SH3KBP1: variants seen among roughly 807,000 people sequenced by gnomAD.
The protein encoded by SH3KBP1 is SH3 domain-containing kinase-binding protein 1.
Under a neutral mutation model 50.1 loss-of-function variants are expected in SH3KBP1, and 8 were observed. The ratio of observed to expected loss-of-function variants is 0.16; its 90% CI spans 0.09 to 0.29. The LOEUF (loss-of-function observed/expected upper bound fraction) is 0.29. Ranked by LOEUF, SH3KBP1 falls within the 10% of genes least tolerant of loss-of-function variation. SH3KBP1 has a pLI of 1.00. For missense variants in SH3KBP1, 377 were observed against 535.2 expected, an observed-to-expected ratio of 0.70 and a Z score of 2.92; for synonymous variants, 227 against 218.6, an observed-to-expected ratio of 1.04 and a Z score of -0.34.
chrX:19,659,794 G>A (rs752521599), intron 6 of SH3KBP1, among the ~76,000 whole-genome samples: 3 of 112,229 alleles, frequency 2.7e-5, no homozygotes, highest in Non-Finnish European at 5.6e-5. Context: ...CCTCCCCCAT[G>A]TTCCTACTGA....
chrX:19,879,745 T>C (rs187347710), intron 1 of SH3KBP1, among the ~76,000 whole-genome samples: 9 of 112,620 alleles, frequency 8.0e-5, no homozygotes, highest in Non-Finnish European at 1.5e-4. Context: ...TCTAGTGACT[T>C]GTAGGTTCGT....
intron 6 of SH3KBP1, among the ~76,000 whole-genome samples, chrX:19,673,212 G>C (rs1191127695): frequency 9.0e-6 from 1 of 111,150 alleles, no homozygotes; most frequent in Admixed American, 9.6e-5. Flanking sequence ...AAAATTAAAA[G>C]TTGATTAAAA....
chrX:19,642,322 AATG>A (rs1334449861), intron 7 of SH3KBP1, among the ~76,000 whole-genome samples: 4 of 112,033 alleles, frequency 3.6e-5, no homozygotes, highest in Non-Finnish European at 5.6e-5. Flanking sequence ...CCAATGATCT[AATG>A]ATAGCAACAA....
intron 2 of SH3KBP1, among the ~76,000 whole-genome samples, chrX:19,792,564 T>C (rs1175317212): frequency 1.3e-4 from 14 of 111,005 alleles, no homozygotes; most frequent in Non-Finnish European, 1.1e-4. Context: ...TTTGCCCCTT[T>C]GCAGGTCTTT....
In SH3KBP1 at chrX:19,681,026, G is replaced by A. The variant is rs973154224; in HGVS notation, c.726+2797C>T. 3.6e-5 allele frequency among the ~76,000 whole-genome samples: 4 copies of A among 111,415 alleles called. No homozygotes were observed. The South Asian group carries it at 1.1e-3, about 31-fold the overall frequency. On this transcript the variant is annotated intron_variant, in intron 6 of 17. Transcript: ENST00000397821. ...AATGCTTGGGACCAGAAGTGTTTTG[G>A]ATTTCAGATTTTTTTTTTTCTTTTT...
At chrX:19,805,746 C>A (rs946308864) in intron 2 of SH3KBP1, among the ~76,000 whole-genome samples, 3 of 110,891 alleles carry the variant, frequency 2.7e-5, no homozygotes, top group African/African-American at 9.9e-5. Flanking sequence ...CACCAGCCCA[C>A]GTCGAGACCT....
intron 6 of SH3KBP1, among the ~76,000 whole-genome samples, chrX:19,681,101 A>G (rs745890447): frequency 8.9e-5 from 10 of 111,897 alleles, no homozygotes; most frequent in Non-Finnish European, 1.5e-4. Flanking sequence ...TCCCTAATCC[A>G]AAAATCCGAA....
intron 2 of SH3KBP1, among the ~76,000 whole-genome samples, chrX:19,820,096 A>AAAT (rs2067482602): frequency 9.0e-6 from 1 of 111,679 alleles, no homozygotes; most frequent in African/African-American, 3.3e-5. Flanking sequence ...CAATTCCCTT[A>AAAT]AATATATTGA....
At chrX:19,721,631 G>C (rs1347701647) in intron 3 of SH3KBP1, among the ~76,000 whole-genome samples, 2 of 110,963 alleles carry the variant, frequency 1.8e-5, no homozygotes, top group African/African-American at 6.6e-5. Context: ...GGGTCCACAG[G>C]CTTCACCAGA....
In SH3KBP1 at chrX:19,879,178, G is replaced by A. The variant is rs1240151422; in HGVS notation, c.4+8129C>T. ...GAGGATCGCTTGAGCCTGGGAGGTC[G>A]AGGCTGCAGTGAGCCTTGATTGCGC... is the stretch of plus-strand genomic sequence containing the variant. On this transcript the variant is annotated intron_variant, in intron 1 of 17. Coordinates refer to ENST00000397821, the MANE Select transcript of SH3KBP1 (RefSeq NM_031892.3). 3.6e-5 allele frequency among the ~76,000 whole-genome samples: 4 copies of A among 112,573 alleles called. No homozygotes were observed. The South Asian group carries it at 1.5e-3, about 41-fold the overall frequency.
intron 8 of SH3KBP1, among the ~76,000 whole-genome samples, chrX:19,615,282 C>G (rs986074204): frequency 8.9e-6 from 1 of 112,307 alleles, no homozygotes; most frequent in African/African-American, 3.2e-5. Context: ...TTGATGCAAA[C>G]GAAAAAGAAA....
At chrX:19,772,589 G>T (rs1031239069) in intron 2 of SH3KBP1, among the ~76,000 whole-genome samples, 5 of 111,450 alleles carry the variant, frequency 4.5e-5, no homozygotes, top group African/African-American at 1.6e-4. Flanking sequence ...CATTGAACAT[G>T]AAAATTAACT....
intron 4 of SH3KBP1, among the ~76,000 whole-genome samples, chrX:19,699,211 A>G (rs775029663): frequency 8.9e-6 from 1 of 112,485 alleles, no homozygotes; most frequent in African/African-American, 3.2e-5. Context: ...AGAGGCAGTT[A>G]CAGAGCCTGA....
chrX:19,887,368 G>A lies in SH3KBP1; in HGVS notation c.-58C>T. 1.1e-6 allele frequency: 1 copy of A among 925,378 alleles called. No homozygotes were observed. Among genetic ancestry groups the A allele is most frequent in the Non-Finnish European group, 1.4e-6 (1 of 740,437 alleles). The allele number at this position is 925,378 out of a possible 1,213,427, so 76.3% of individuals were successfully genotyped here. ...CGTGAAAGTTGGCGGAGGCGGGCGTGGGGGTTGGGGCGCCGGGATCGGGGC... is the reference window on the plus strand; with the variant it reads ...CGTGAAAGTTGGCGGAGGCGGGCGTAGGGGTTGGGGCGCCGGGATCGGGGC... On this transcript the variant is annotated 5_prime_UTR_variant, in exon 1 of 18. Transcript: ENST00000397821.
chrX:19,722,561 TGCGCACTG>T (rs1194471042), intron 3 of SH3KBP1, among the ~76,000 whole-genome samples: 48 of 94,411 alleles, frequency 5.1e-4, no homozygotes, highest in African/African-American at 1.8e-3. Flanking sequence ...TGTGTGCGCG[TGCGCACTG>T]GTGTGTGTGT....
At chrX:19,780,045 T>G (rs1301958678) in intron 2 of SH3KBP1, among the ~76,000 whole-genome samples, 1 of 110,199 alleles carries the variant, frequency 9.1e-6, no homozygotes, top group Non-Finnish European at 1.9e-5. Context: ...TGAACTAGTT[T>G]ACAGTCCCAC....
intron 12 of SH3KBP1, among the ~76,000 whole-genome samples, chrX:19,573,030 A>T (rs964761218): frequency 9.0e-6 from 1 of 111,694 alleles, no homozygotes; most frequent in African/African-American, 3.3e-5. Flanking sequence ...GGACTCAAAA[A>T]ACATCTGTGG....
intron 9 of SH3KBP1, among the ~76,000 whole-genome samples, chrX:19,601,958 C>T (rs1388270740): frequency 9.0e-6 from 1 of 111,167 alleles, no homozygotes; most frequent in African/African-American, 3.3e-5. Context: ...TAGTGGTCTA[C>T]ATCCATCATC....
Position 19,546,021 on chromosome X carries a change from G to A in SH3KBP1, c.1524C>T (p.Asp508=), listed in dbSNP as rs148651015. Residue 508 remains aspartate, a synonymous_variant, in exon 15 of 18, where the codon GAC becomes GAT. Coordinates refer to ENST00000397821, the MANE Select transcript of SH3KBP1 (RefSeq NM_031892.3). ...CCTTATCCTCTTCGGGACTTGGGGA[G>A]TCGAAGATATCAGGGCTTGAAAGGG... ...SSSLSSPDIF[D]SPSPEEDKEE... 1.5e-4 allele frequency: 178 copies of A among 1,208,475 alleles called. No individual in the cohort carries two copies. Among genetic ancestry groups the A allele is most frequent in the Non-Finnish European group, 1.9e-4 (173 of 893,963 alleles).
Sources: gnomAD v4.1 joint callset for allele counts (sites outside exome capture counted in the v4.1 genomes callset) on GRCh38, gnomAD v4.1.1 for gene constraint, MANE v1.5 for transcripts, NCBI Gene and HGNC (gene_info 2026-07-23, HGNC 2026-07-21) for gene names.